The following PLEKHM1 variants were observed in gnomAD, a reference collection of about 807,000 sequenced individuals.
The protein encoded by PLEKHM1 is pleckstrin homology domain-containing family M member 1.
A neutral mutation model predicts 94.3 loss-of-function variants in PLEKHM1; 28 were observed. That is an observed-to-expected ratio of 0.30 (90% CI 0.22 to 0.41). The LOEUF (loss-of-function observed/expected upper bound fraction) is 0.41, where lower values mean the gene tolerates loss of function less well. Among genes scored for constraint, PLEKHM1 ranks in the 10% least tolerant of loss-of-function variants. PLEKHM1 has a pLI of 1.00. For missense variants in PLEKHM1, 907 were observed against 1,358.6 expected, an observed-to-expected ratio of 0.67 and a Z score of 5.22; for synonymous variants, 424 against 581.2, an observed-to-expected ratio of 0.73 and a Z score of 3.89.
In PLEKHM1 at chr17:45,453,072, A is replaced by C. The variant is rs1424155396; in HGVS notation, c.2497+283T>G. On this transcript the variant is annotated intron_variant, in intron 7 of 11. Coordinates refer to ENST00000430334, the MANE Select transcript of PLEKHM1 (RefSeq NM_014798.3). The surrounding 1 kb of genome is among the most constrained non-coding windows in gnomAD (Gnocchi z 4.1). Reference sequence around the variant, plus strand: ...CAAGAAGAAAATGAAGCAGGCTGGGACTCCCTGAGCAGCGCAGTGAGTAGC... The same window carrying C: ...CAAGAAGAAAATGAAGCAGGCTGGGCCTCCCTGAGCAGCGCAGTGAGTAGC... 1.7e-6 allele frequency: 1 copy of C among 586,808 alleles called. No individual in the cohort carries two copies. The highest frequency in any genetic ancestry group is 3.0e-6 in the Non-Finnish European group (1 of 328,254). 36.4% of individuals were successfully genotyped at this position (586,808 alleles called of 1,614,324 possible). A position where few individuals can be genotyped will look rare whatever the true frequency, so the allele number is the denominator to read the frequency against.
At chr17:45,482,721 G>A (rs913452317) in intron 1 of PLEKHM1, among the ~76,000 whole-genome samples, 196 bp from the exon 2 acceptor site, 1 of 152,314 alleles carries the variant, frequency 6.6e-6, no homozygotes, top group South Asian at 2.1e-4. Context: ...GGGCTTAGTC[G>A]TTGGGAGGCA....
rs1189375000 is a variant in PLEKHM1 at position 45,478,145 on chromosome 17, G to T, written c.51C>A (p.Val17=). The T allele has an allele frequency of 6.2e-7, 1 of 1,614,034 alleles. No individual in the cohort carries two copies. The highest frequency in any genetic ancestry group is 1.3e-5 in the African/African-American group (1 of 74,928). ...NGLDPQAAIP[V]IKKKLVGSVK... is the part of the protein sequence containing the mutation. Reference sequence around the variant, plus strand: ...CGGATCCCACCAGCTTCTTCTTGATGACCTAGGCAGCACCACACAGAACAC... The same window carrying T: ...CGGATCCCACCAGCTTCTTCTTGATTACCTAGGCAGCACCACACAGAACAC... Residue 17 remains valine (V), a splice_region_variant and synonymous_variant, in exon 3 of 12, where the codon GTC becomes GTA. Transcript: ENST00000430334.
intron 8 of PLEKHM1, among the ~76,000 whole-genome samples, chr17:45,449,989 C>T (rs1435860997): frequency 1.3e-5 from 2 of 151,768 alleles, no homozygotes; most frequent in Admixed American, 6.6e-5. Flanking sequence ...ATTCACCTAC[C>T]TACCTACCCA....
At chr17:45,454,444 T>C (rs1364576039) in intron 6 of PLEKHM1, 172 bp from the exon 7 acceptor site, 3 of 675,084 alleles carry the variant, frequency 4.4e-6, no homozygotes, top group Admixed American at 2.1e-5. Flanking sequence ...GATGGGAACA[T>C]CCCCATTCTC....
rs1225124415 is a variant in PLEKHM1, at chr17:45,436,294, C to T, written c.*1564G>A. ...AATGTGGGCCATGGCGGTGCATAAC[C>T]CAGCTCCTGGCTTAGGAGGCATTGG... is the stretch of plus-strand genomic sequence containing the variant. On this transcript the variant is annotated 3_prime_UTR_variant, in exon 12 of 12. Transcript: ENST00000430334. 2.2e-6 allele frequency: 1 copy of T among 454,182 alleles called. No homozygotes were observed. Among genetic ancestry groups the T allele is most frequent in the Admixed American group, 2.3e-5 (1 of 42,586 alleles). The allele number at this position is 454,182 out of a possible 1,614,324, so 28.1% of individuals were successfully genotyped here.
intron 4 of PLEKHM1, among the ~76,000 whole-genome samples, chr17:45,474,668 ATTGT>A (rs1204127436): frequency 6.6e-6 from 1 of 152,050 alleles, no homozygotes; most frequent in Non-Finnish European, 1.5e-5. Context: ...TTTTGTTGTT[ATTGT>A]TTGTTTTCAG....
rs563904621 is a variant in PLEKHM1 at position 45,439,056 on chromosome 17, C to T, written c.3059+421G>A. Among the ~76,000 whole-genome samples, 11 of 152,370 alleles carry T rather than the reference C, an allele frequency of 7.2e-5. No homozygotes were observed. The East Asian group carries it at 2.1e-3, about 29-fold the overall frequency. On this transcript the variant is annotated intron_variant, in intron 11 of 11. Coordinates refer to ENST00000430334, the MANE Select transcript of PLEKHM1 (RefSeq NM_014798.3). Reference sequence around the variant, plus strand: ...CTGGGAACAAGAGTGATCATTTCAGCAACAGACACAGTGGCAGTGGCAGGT... The same window carrying T: ...CTGGGAACAAGAGTGATCATTTCAGTAACAGACACAGTGGCAGTGGCAGGT...
intron 5 of PLEKHM1, among the ~76,000 whole-genome samples, chr17:45,462,959 G>A (rs922369362): frequency 4.0e-5 from 6 of 151,230 alleles, no homozygotes; most frequent in African/African-American, 1.5e-4. Flanking sequence ...GTGCATGCCT[G>A]TAATCTCAGC....
intron 4 of PLEKHM1, among the ~76,000 whole-genome samples, chr17:45,472,498 T>A (rs1321093318): frequency 1.3e-5 from 2 of 152,160 alleles, no homozygotes; most frequent in African/African-American, 4.8e-5. Context: ...CTGGCTGGTC[T>A]GCAGAGGAGG....
rs1205669971 is a variant in PLEKHM1, at chr17:45,437,869, T to C, written c.3160A>G (p.Ile1054Val). Reference protein sequence around the residue: ...ARRRKYQEQNIFA With the variant: ...ARRRKYQEQNVFA ...TCAGCAGATGGGCATCAGGCGAAAA[T>C]GTTCTGTTCCTGGTACTTGCGCCGG... The change falls in exon 12 of 12, where the codon ATT (isoleucine) becomes GTT (valine). Residue 1054 changes from isoleucine (I) to valine (V), a missense_variant. Ile to Val is a conservative substitution (Grantham distance 29). Coordinates refer to ENST00000430334, the MANE Select transcript of PLEKHM1 (RefSeq NM_014798.3). This position sits in a 1 kb window ranked among gnomAD's most constrained non-coding sequence, Gnocchi z 4.0. The C allele has an allele frequency of 3.7e-6, 6 of 1,613,634 alleles. No individual in the cohort carries two copies. The highest frequency in any genetic ancestry group is 1.7e-5 in the Admixed American group (1 of 60,006).
At position 45,439,768 on chromosome 17, in the gene PLEKHM1, C is replaced by T. The variant is rs555157940; in HGVS notation, c.2902-134G>A. 2.1e-5 allele frequency: 24 copies of T among 1,154,712 alleles called. No individual in the cohort carries two copies. In the East Asian group the frequency reaches 2.7e-4, roughly 13 times the overall value. The allele number at this position is 1,154,712 out of a possible 1,614,324, so 71.5% of individuals were successfully genotyped here. ...CCCTGCCTGGAGAACTTCTACCCCCCGTTTCCACACGGGCAAGAAAAGAAA... is the reference window on the plus strand; with the variant it reads ...CCCTGCCTGGAGAACTTCTACCCCCTGTTTCCACACGGGCAAGAAAAGAAA... On this transcript the variant is annotated intron_variant, in intron 10 of 11. Coordinates refer to ENST00000430334, the MANE Select transcript of PLEKHM1 (RefSeq NM_014798.3).
At chr17:45,479,862 G>A (rs1157192588) in intron 2 of PLEKHM1, among the ~76,000 whole-genome samples, 4 of 152,168 alleles carry the variant, frequency 2.6e-5, no homozygotes, top group Non-Finnish European at 4.4e-5. Context: ...TGTACATAGA[G>A]TCTTTTGGAA....
At chr17:45,448,320 A>G (rs1293495559) in intron 8 of PLEKHM1, among the ~76,000 whole-genome samples, 2 of 152,274 alleles carry the variant, frequency 1.3e-5, no homozygotes, top group African/African-American at 4.8e-5. Context: ...CAACAAAAAA[A>G]TCAAAATGAA....
In PLEKHM1 at chr17:45,477,938, C is replaced by G. The variant is rs1253429526; in HGVS notation, c.258G>C (p.Gln86His). The G allele has an allele frequency of 1.9e-6, 3 of 1,613,948 alleles. No individual in the cohort carries two copies. The African/African-American group carries it at 4.0e-5, about 22-fold the overall frequency. The change falls in exon 3 of 12, where the codon CAG (glutamine) becomes CAC (histidine). Residue 86 changes from glutamine to histidine, a missense_variant. Coordinates refer to ENST00000430334, the MANE Select transcript of PLEKHM1 (RefSeq NM_014798.3). The part of the protein sequence containing the change: ...KKSAHQKPLP[Q>H]PVFWPLLKAV... ...CTTTCAGGAGGGGCCAGAAGACAGG[C>G]TGGGGCAGAGGCTTCTGGTGGGCAC...
intron 6 of PLEKHM1, among the ~76,000 whole-genome samples, chr17:45,457,392 C>G (rs1203032178): frequency 6.6e-6 from 1 of 151,856 alleles, no homozygotes; most frequent in African/African-American, 2.4e-5. Flanking sequence ...CGAGAAACCC[C>G]GTCTCTACTA....
Position 45,489,796 on chromosome 17 carries a change from G to A in PLEKHM1, c.-42+856C>T, listed in dbSNP as rs1423099074. Among the ~76,000 whole-genome samples, 5 of 152,314 alleles carry A rather than the reference G, an allele frequency of 3.3e-5. No homozygotes were observed. The East Asian group carries it at 7.7e-4, about 23-fold the overall frequency. On this transcript the variant is annotated intron_variant, in intron 1 of 11. Coordinates refer to ENST00000430334, the MANE Select transcript of PLEKHM1 (RefSeq NM_014798.3). ...AGGCGACTCTGCACTAAGTTCTCAG[G>A]TTGAATGGGAGTTGGGTCGAGGGAA...
At chr17:45,465,718 T>A (rs978055165) in intron 5 of PLEKHM1, among the ~76,000 whole-genome samples, 7 of 150,304 alleles carry the variant, frequency 4.7e-5, no homozygotes, top group Non-Finnish European at 7.4e-5. Flanking sequence ...TCAAAAAAAT[T>A]TTTTTTTTTA....
intron 9 of PLEKHM1, among the ~76,000 whole-genome samples, chr17:45,442,985 C>T (rs538066271): frequency 6.6e-6 from 1 of 152,342 alleles, no homozygotes; most frequent in African/African-American, 2.4e-5. Context: ...GTTCAACAGA[C>T]ACACAATGCC....
chr17:45,466,916 T>C (rs2051337045), intron 5 of PLEKHM1, among the ~76,000 whole-genome samples: 1 of 152,172 alleles, frequency 6.6e-6, no homozygotes, highest in Non-Finnish European at 1.5e-5. Flanking sequence ...ACCGAGGTTC[T>C]CCAAAAGCAT....
Sources: allele counts gnomAD v4.1 joint callset (sites outside exome capture counted in the v4.1 genomes callset), GRCh38; gene constraint gnomAD v4.1.1; non-coding constraint Gnocchi (gnomAD v3.1); transcripts MANE v1.5; gene names NCBI Gene and HGNC (gene_info 2026-07-23, HGNC 2026-07-21).